PDXDC1: variants seen among roughly 807,000 people sequenced by gnomAD.
The protein encoded by PDXDC1 is pyridoxal-dependent decarboxylase domain-containing protein 1.
Under a neutral mutation model 100.1 loss-of-function variants are expected in PDXDC1, and 42 were observed. The ratio of observed to expected loss-of-function variants is 0.42; its 90% confidence interval spans 0.33 to 0.54. The LOEUF (loss-of-function observed/expected upper bound fraction) is 0.54, where lower values mean the gene tolerates loss of function less well. Among genes scored for constraint, PDXDC1 ranks in the 20% least tolerant of loss-of-function variants. PDXDC1 has a pLI of 0.10. For missense variants in PDXDC1, 636 were observed against 979.2 expected, an observed-to-expected ratio of 0.65 and a Z score of 4.68; for synonymous variants, 260 against 371.7, an observed-to-expected ratio of 0.70 and a Z score of 3.46.
intron 1 of PDXDC1, among the ~76,000 whole-genome samples, chr16:14,994,946 G>A (rs1329160362): frequency 6.6e-6 from 1 of 152,292 alleles, no homozygotes; most frequent in African/African-American, 2.4e-5. Flanking sequence ...CTGTTTGTCT[G>A]TTATTGGTGT....
chr16:15,088,121 AG>A (rs1200885557), intron 16 of PDXDC1, among the ~76,000 whole-genome samples: 1 of 150,292 alleles, frequency 6.7e-6, no homozygotes, highest in Non-Finnish European at 1.5e-5. Context: ...CGTCTCAAAA[AG>A]AAAAAAAAAA....
Position 15,071,342 on chromosome 16 carries a change from G to C in PDXDC1, c.1399+41286G>C, listed in dbSNP as rs1872720810. 8.2e-6 allele frequency: 10 copies of C among 1,226,076 alleles called. No individual in the cohort carries two copies. The South Asian group carries it at 1.4e-4, about 17-fold the overall frequency. The allele number at this position is 1,226,076 out of a possible 1,614,324, so 75.9% of individuals were successfully genotyped here. A position where few individuals can be genotyped will look rare whatever the true frequency, so the allele number is the denominator to read the frequency against. On this transcript the variant is annotated intron_variant, in intron 16 of 16. Coordinates refer to the PDXDC1 transcript ENST00000535621. Reference sequence around the variant, plus strand: ...CCAAGATTTTTACTTCACCAATGTAGGGAAAAGTTCTACTATCTCATAACT... The same window carrying C: ...CCAAGATTTTTACTTCACCAATGTACGGAAAAGTTCTACTATCTCATAACT...
At chr16:15,149,252 G>A in the PDXDC1 span, among the ~76,000 whole-genome samples, 4 of 152,246 alleles carry the variant, frequency 2.6e-5, no homozygotes, top group East Asian at 3.9e-4. Context: ...CTGCACTGGG[G>A]GTCCTTCCAG....
chr16:15,071,404 AT>A (rs2045222417), intron 16 of PDXDC1, among the ~76,000 whole-genome samples: 2 of 152,228 alleles, frequency 1.3e-5, no homozygotes, highest in Non-Finnish European at 2.9e-5. Flanking sequence ...CATTGAGAGA[AT>A]ATCATTAAAA....
chr16:14,977,789 T>C (rs1224778298), intron 1 of PDXDC1, among the ~76,000 whole-genome samples: 1 of 152,280 alleles, frequency 6.6e-6, no homozygotes, highest in East Asian at 1.9e-4. Context: ...TGCGTTAAAT[T>C]CTACATTGTT....
chr16:15,006,234 G>A (rs1361760266), intron 5 of PDXDC1, among the ~76,000 whole-genome samples, 160 bp from the exon 6 acceptor site: 19 of 152,408 alleles, frequency 1.2e-4, no homozygotes, highest in Non-Finnish European at 2.5e-4. Context: ...GTAATGAGGT[G>A]TCAGCCATCT....
intron 16 of PDXDC1, among the ~76,000 whole-genome samples, chr16:15,095,294 G>A (rs2046315157): frequency 6.6e-6 from 1 of 152,100 alleles, no homozygotes; most frequent in Non-Finnish European, 1.5e-5. Context: ...TCAGGGAGGG[G>A]AAAAGGTTGC....
rs1385244602 is a variant in PDXDC1 at position 15,112,129 on chromosome 16, G to A, written c.1400-26750G>A. On this transcript the variant is annotated intron_variant, in intron 16 of 16. Coordinates refer to the PDXDC1 transcript ENST00000535621. ...TCACAGTATGCTTTTAATCTTCTCA[G>A]ATATTAAGTATTTGTTCTCATCATA... Among the ~76,000 whole-genome samples, 13 of 146,878 alleles carry A rather than the reference G, an allele frequency of 8.9e-5. 1 individual carries two copies. Among genetic ancestry groups the A allele is most frequent in the Middle Eastern group, 3.4e-3 (1 of 290 alleles).
At chr16:15,039,958 T>C, downstream of PDXDC1, 5 of 1,524,032 alleles carry the variant, frequency 3.3e-6, no homozygotes, top group Non-Finnish European at 4.5e-6. Flanking sequence ...CAAAGATGAT[T>C]TGAAACTCAC....
chr16:15,031,822 G>C lies in PDXDC1; in HGVS notation c.1487G>C (p.Arg496Pro). The C allele has an allele frequency of 6.2e-7, 1 of 1,613,510 alleles. No homozygotes were observed. The highest frequency in any genetic ancestry group is 8.5e-7 in the Non-Finnish European group (1 of 1,179,530). Reference protein sequence around the residue: ...LPVLCCTLQLREEFKQEVEAT... With the variant: ...LPVLCCTLQLPEEFKQEVEAT... ...GTGCTGTGCTGTACGCTCCAGTTGC[G>C]TGAAGAGTTCAAGCAGGAAGTGGAA... is the stretch of plus-strand genomic sequence containing the variant. The change falls in exon 17 of 23, where the codon CGT becomes CCT. Residue 496 changes from arginine to proline, a missense_variant. Around this residue, in one of 4 missense-constraint regions of PDXDC1, gnomAD observed 452 missense variants for 402.9 expected, o/e 1.12. Transcript: ENST00000396410.
chr16:15,070,318 C>A (rs1158743900), intron 16 of PDXDC1: 1 of 1,574,096 alleles, frequency 6.4e-7, no homozygotes, highest in Non-Finnish European at 8.7e-7. Context: ...AACATAAAAA[C>A]ACACAACTGC....
chr16:15,126,195 C>T (rs1285372017), intron 16 of PDXDC1, among the ~76,000 whole-genome samples: 1 of 151,392 alleles, frequency 6.6e-6, no homozygotes, highest in East Asian at 1.9e-4. Flanking sequence ...CCACGATGCC[C>T]AGCTGATTTT....
Position 15,033,367 on chromosome 16 carries a change from G to A in PDXDC1, c.1780G>A (p.Ala594Thr), listed in dbSNP as rs996432631. 45 of 1,614,018 alleles carry A rather than the reference G, an allele frequency of 2.8e-5. No individual in the cohort carries two copies. The highest frequency in any genetic ancestry group is 3.7e-5 in the Non-Finnish European group (44 of 1,180,008). ...DAAELVETIA[A>T]TAREIEENSR... ...TGCTGAGCTCGTGGAGACCATTGCG[G>A]CCACAGCCCGGGAGATAGAGGAGAA... The change falls in exon 19 of 23, where the codon GCC (alanine) becomes ACC (threonine). Residue 594 changes from alanine (A) to threonine (T), a missense_variant. Coordinates refer to ENST00000396410, the MANE Select transcript of PDXDC1 (RefSeq NM_015027.4).
chr16:15,125,521 A>T (rs1466155501), intron 16 of PDXDC1: 17 of 1,525,652 alleles, frequency 1.1e-5, no homozygotes, highest in Non-Finnish European at 1.4e-5. Context: ...GACCTGCACC[A>T]GGGCTCGAGG....
At chr16:15,000,753 C>T (rs962639747) in intron 3 of PDXDC1, among the ~76,000 whole-genome samples, 1 of 152,136 alleles carries the variant, frequency 6.6e-6, no homozygotes, top group African/African-American at 2.4e-5. Context: ...TGGGGAAGAG[C>T]TGGTAATAAA....
intron 16 of PDXDC1, among the ~76,000 whole-genome samples, chr16:15,062,342 A>G (rs2044748490): frequency 6.6e-6 from 1 of 152,240 alleles, no homozygotes; most frequent in African/African-American, 2.4e-5. Context: ...ACCTAACACA[A>G]TGTGAATGAA....
chr16:15,036,010 C>G lies in PDXDC1; in HGVS notation c.2108-6C>G. 6.2e-7 allele frequency: 1 copy of G among 1,608,444 alleles called. No individual in the cohort carries two copies. Among genetic ancestry groups the G allele is most frequent in the Non-Finnish European group, 8.5e-7 (1 of 1,177,154 alleles). ...TTTCAGCGCAGTCTGTCTGCCCTTTCTGTAGGCCAGAAGCCTTTTAAAAGG... is the reference window on the plus strand; with the variant it reads ...TTTCAGCGCAGTCTGTCTGCCCTTTGTGTAGGCCAGAAGCCTTTTAAAAGG... On this transcript the variant is annotated splice_region_variant and splice_polypyrimidine_tract_variant and intron_variant, in intron 22 of 22. Transcript: ENST00000396410.
intron 4 of PDXDC1, among the ~76,000 whole-genome samples, chr16:15,003,556 C>G (rs926443969): frequency 6.6e-6 from 1 of 152,290 alleles, no homozygotes; most frequent in Admixed American, 6.5e-5. Flanking sequence ...CTCATTTTAC[C>G]TTAGCTCTAC....
chr16:15,017,771 A>G (rs953797310), intron 11 of PDXDC1, among the ~76,000 whole-genome samples: 2 of 152,116 alleles, frequency 1.3e-5, no homozygotes, highest in Admixed American at 1.3e-4. Context: ...CTCCTGATCC[A>G]CATTGCCCAA....
Sources: gnomAD v4.1 joint callset for allele counts (sites outside exome capture counted in the v4.1 genomes callset) on GRCh38, gnomAD v4.1.1 for gene constraint, gnomAD v4.1.1 regional missense constraint, MANE v1.5 for transcripts, NCBI Gene and HGNC (gene_info 2026-07-23, HGNC 2026-07-21) for gene names.